MEF2A: variants seen among roughly 807,000 people sequenced by gnomAD.
MEF2A encodes myocyte enhancer factor 2A.
A neutral mutation model predicts 55.8 loss-of-function variants in MEF2A; 28 were observed. That is an observed-to-expected ratio of 0.50 (90% CI 0.37 to 0.69). The LOEUF (loss-of-function observed/expected upper bound fraction) is 0.69, where lower values mean the gene tolerates loss of function less well. MEF2A is among the 30% of genes least tolerant of loss of function. The pLI is 0.00. For synonymous variants in MEF2A, 239 were observed against 227.1 expected (o/e 1.05, Z -0.47); for missense variants, 528 against 626.2 (o/e 0.84, Z 1.67).
intron 3 of MEF2A, among the ~76,000 whole-genome samples, chr15:99,641,382 G>T (rs1472262587): frequency 6.6e-6 from 1 of 152,072 alleles, no homozygotes; most frequent in East Asian, 1.9e-4. Context: ...AGTGTTCCAG[G>T]CAGCGGAGGT....
intron 3 of MEF2A, among the ~76,000 whole-genome samples, chr15:99,643,623 G>A (rs1451772917): frequency 4.8e-5 from 7 of 144,946 alleles, no homozygotes; most frequent in African/African-American, 7.7e-5. Flanking sequence ...ATGGAGTCTC[G>A]CTCTGTCGCC....
At chr15:99,687,505 G>A (rs1276885087) in intron 7 of MEF2A, among the ~76,000 whole-genome samples, 1 of 152,140 alleles carries the variant, frequency 6.6e-6, no homozygotes, top group African/African-American at 2.4e-5. Flanking sequence ...TGAAGCTGTG[G>A]ATTATCCAGG....
intron 7 of MEF2A, among the ~76,000 whole-genome samples, chr15:99,687,597 G>A (rs969760446): frequency 1.3e-5 from 2 of 152,120 alleles, no homozygotes; most frequent in African/African-American, 4.8e-5. Context: ...CATAATGCCT[G>A]CCTTCTCTTT....
intron 2 of MEF2A, among the ~76,000 whole-genome samples, chr15:99,629,276 T>C (rs369675177): frequency 1.4e-4 from 21 of 152,030 alleles, no homozygotes; most frequent in East Asian, 3.9e-4. Context: ...CCTAAGGAAA[T>C]TGAACACTCG....
intron 7 of MEF2A, among the ~76,000 whole-genome samples, chr15:99,679,651 C>A (rs1055895922): frequency 6.6e-6 from 1 of 152,178 alleles, no homozygotes; most frequent in Admixed American, 6.5e-5. Flanking sequence ...ATGGAAACTT[C>A]TGGGGTTCTG....
intron 7 of MEF2A, among the ~76,000 whole-genome samples, chr15:99,680,254 A>G (rs924432102): frequency 1.3e-5 from 2 of 152,220 alleles, no homozygotes; most frequent in African/African-American, 4.8e-5. Flanking sequence ...TTGTACCAAA[A>G]TACACAATTC....
intron 10 of MEF2A, 53 bp downstream of exon 10, chr15:99,706,908 C>T: frequency 5.1e-6 from 8 of 1,570,214 alleles, no homozygotes; most frequent in Non-Finnish European, 6.9e-6. Context: ...GTTTTGTGAT[C>T]AACGTGTGCT....
At chr15:99,616,564 A>G (rs1186012307) in intron 2 of MEF2A, among the ~76,000 whole-genome samples, 2 of 152,214 alleles carry the variant, frequency 1.3e-5, no homozygotes, top group Non-Finnish European at 2.9e-5. Context: ...AATTAATAAG[A>G]GGCAATTAAG....
chr15:99,588,484 T>C (rs1968141853), intron 1 of MEF2A, among the ~76,000 whole-genome samples: 1 of 151,932 alleles, frequency 6.6e-6, no homozygotes, highest in South Asian at 2.1e-4. Context: ...GTTTCATATT[T>C]TAGCAGACTC....
intron 2 of MEF2A, among the ~76,000 whole-genome samples, chr15:99,605,790 G>A (rs1399354511): frequency 1.3e-5 from 2 of 151,834 alleles, no homozygotes; most frequent in African/African-American, 4.8e-5. Context: ...GGGCAACACA[G>A]CAAAACCCTG....
At chr15:99,612,843 G>A (rs542716809) in intron 2 of MEF2A, among the ~76,000 whole-genome samples, 51 of 151,864 alleles carry the variant, frequency 3.4e-4, no homozygotes, top group Middle Eastern at 6.8e-3. Flanking sequence ...CCCTACTTTG[G>A]TGTGTTGAAA....
chr15:99,677,932 G>A (rs1421076937), intron 7 of MEF2A, among the ~76,000 whole-genome samples: 2 of 152,170 alleles, frequency 1.3e-5, no homozygotes, highest in East Asian at 1.9e-4. Context: ...TGGTGAAACA[G>A]ATGATCTCAT....
intron 4 of MEF2A, among the ~76,000 whole-genome samples, chr15:99,654,580 A>G (rs940503382): frequency 1.5e-5 from 2 of 135,676 alleles, no homozygotes; most frequent in Admixed American, 7.5e-5. Flanking sequence ...ATTAAAAAAA[A>G]AGGGGGGGGT....
intron 2 of MEF2A, among the ~76,000 whole-genome samples, chr15:99,607,570 A>G (rs1449370202): frequency 2.0e-5 from 3 of 152,192 alleles, no homozygotes; most frequent in Non-Finnish European, 2.9e-5. Context: ...TTATTTGTAA[A>G]ACATTTTTTC....
chr15:99,611,670 G>A (rs981496670), intron 2 of MEF2A, among the ~76,000 whole-genome samples: 6 of 152,152 alleles, frequency 3.9e-5, no homozygotes, highest in African/African-American at 1.4e-4. Flanking sequence ...TGCTCCTAGC[G>A]ATATATCTGG....
chr15:99,710,241 A>G (rs949687566), intron 10 of MEF2A, among the ~76,000 whole-genome samples: 1 of 151,970 alleles, frequency 6.6e-6, no homozygotes, highest in Non-Finnish European at 1.5e-5. Context: ...CAATGTAGGA[A>G]CTTTTTATTT....
chr15:99,618,165 A>G (rs2040518032), intron 2 of MEF2A, among the ~76,000 whole-genome samples: 1 of 152,204 alleles, frequency 6.6e-6, no homozygotes, highest in Admixed American at 6.5e-5. Context: ...TTACATTTTT[A>G]GAAGTGCTTT....
chr15:99,633,371 T>C (rs1233779952), intron 3 of MEF2A, among the ~76,000 whole-genome samples, 198 bp downstream of exon 3: 1 of 152,062 alleles, frequency 6.6e-6, no homozygotes, highest in African/African-American at 2.4e-5. Context: ...ATTATAGATA[T>C]ATGTCACCAA....
intron 2 of MEF2A, among the ~76,000 whole-genome samples, chr15:99,621,900 CA>C (rs1407319449): frequency 6.6e-6 from 1 of 152,112 alleles, no homozygotes; most frequent in Non-Finnish European, 1.5e-5. Flanking sequence ...CCAGAGTCAT[CA>C]AAATGGGGTG....
Sources: allele counts gnomAD v4.1 joint callset (sites outside exome capture counted in the v4.1 genomes callset), GRCh38; gene constraint gnomAD v4.1.1; transcripts MANE v1.5; gene names NCBI Gene and HGNC (gene_info 2026-07-23, HGNC 2026-07-21).